Variants in DLGAP4 observed in about 807,000 individuals in gnomAD.
DLGAP4 encodes the protein disks large-associated protein 4.
DLGAP4 carries 18 observed loss-of-function variants against 86.9 expected under a neutral mutation model. The ratio of observed to expected loss-of-function variants is 0.21; its 90% CI spans 0.14 to 0.31. The LOEUF is 0.31. Ranked by LOEUF, DLGAP4 falls within the 10% of genes least tolerant of loss-of-function variation. The pLI is 1.00. For synonymous variants in DLGAP4, 548 were observed against 574.3 expected, an observed-to-expected ratio of 0.95 and a Z score of 0.65; for missense variants, 1,085 against 1,362.6, an observed-to-expected ratio of 0.80 and a Z score of 3.21.
At chr20:36,484,380 G>A (rs2035319433) in intron 7 of DLGAP4, among the ~76,000 whole-genome samples, 1 of 152,188 alleles carries the variant, frequency 6.6e-6, no homozygotes, top group Non-Finnish European at 1.5e-5. Flanking sequence ...ACCCCAACAT[G>A]TCAGGAAAAA....
At chr20:36,313,148 C>A (rs1414994556) in intron 1 of DLGAP4, among the ~76,000 whole-genome samples, 1 of 152,158 alleles carries the variant, frequency 6.6e-6, no homozygotes, top group Non-Finnish European at 1.5e-5. Context: ...CAGCTCCTGT[C>A]ATGGGGAGGG....
Position 36,496,720 on chromosome 20 carries a change from T to A in DLGAP4, c.1664T>A (p.Val555Glu), listed in dbSNP as rs1245140335. 6.2e-7 allele frequency: 1 copy of A among 1,605,896 alleles called. No homozygotes were observed. Among genetic ancestry groups the A allele is most frequent in the Non-Finnish European group, 8.5e-7 (1 of 1,173,204 alleles). Residue 555 changes from valine (V) to glutamate (E), a missense_variant, in exon 8 of 13, where the codon GTG becomes GAG. Physicochemically the swap from Val to Glu is moderately radical, Grantham distance 121. Coordinates refer to ENST00000339266, the MANE Select transcript of DLGAP4 (RefSeq NM_001365621.2). Reference sequence around the variant, plus strand: ...CCATCTGCAGGTTCATCATGCCTAGTGGCGTATAAGAAGACCCCGCCACCG... The same window carrying A: ...CCATCTGCAGGTTCATCATGCCTAGAGGCGTATAAGAAGACCCCGCCACCG... ...SRTLPSSSCL[V>E]AYKKTPPPVP...
intron 2 of DLGAP4, among the ~76,000 whole-genome samples, chr20:36,384,560 T>G (rs2031527462): frequency 6.6e-6 from 1 of 152,226 alleles, no homozygotes; most frequent in Non-Finnish European, 1.5e-5. Context: ...GGACTGTATT[T>G]CTAGCCTCAA....
chr20:36,386,133 A>G (rs2031587366), intron 2 of DLGAP4, among the ~76,000 whole-genome samples: 1 of 152,006 alleles, frequency 6.6e-6, no homozygotes, highest in Non-Finnish European at 1.5e-5. Flanking sequence ...CCTCGTCCAC[A>G]CTCTCCCCTG....
intron 4 of DLGAP4, among the ~76,000 whole-genome samples, chr20:36,437,114 T>G (rs2033309350): frequency 6.6e-6 from 1 of 152,156 alleles, no homozygotes; most frequent in South Asian, 2.1e-4. Context: ...CTCACTACTA[T>G]AATGATCCAG....
intron 1 of DLGAP4, among the ~76,000 whole-genome samples, chr20:36,359,581 C>T (rs1431468365): frequency 6.6e-6 from 1 of 152,126 alleles, no homozygotes; most frequent in African/African-American, 2.4e-5. Flanking sequence ...TAGCCTGAGG[C>T]AAAGGAACTT....
chr20:36,408,552 G>A (rs752457864), intron 2 of DLGAP4, among the ~76,000 whole-genome samples: 2 of 152,184 alleles, frequency 1.3e-5, no homozygotes, highest in Admixed American at 6.5e-5. Context: ...GTTTCATCCT[G>A]CCATTGCCTT....
intron 10 of DLGAP4, among the ~76,000 whole-genome samples, chr20:36,519,131 T>C (rs1243432850): frequency 5.3e-5 from 8 of 150,040 alleles, no homozygotes; most frequent in Admixed American, 5.3e-4. Flanking sequence ...AAAAAAAAAT[T>C]AGCTGGGCGT....
intron 7 of DLGAP4, chr20:36,461,820 C>T (rs1477866953): frequency 5.1e-6 from 5 of 982,884 alleles, no homozygotes; most frequent in African/African-American, 3.6e-5. Flanking sequence ...GTCCCCGCTC[C>T]GCCCGCTTTG....
At chr20:36,459,490 T>C (rs1038396680) in intron 7 of DLGAP4, among the ~76,000 whole-genome samples, 4 of 152,170 alleles carry the variant, frequency 2.6e-5, no homozygotes, top group Admixed American at 2.6e-4. Context: ...AATCCTCCCA[T>C]CTCAGCTTCC....
At chr20:36,506,468 T>C (rs1392854022) in intron 10 of DLGAP4, among the ~76,000 whole-genome samples, 1 of 152,140 alleles carries the variant, frequency 6.6e-6, no homozygotes, top group Non-Finnish European at 1.5e-5. Context: ...CCTGTATCAG[T>C]TACTGTAACT....
intron 1 of DLGAP4, among the ~76,000 whole-genome samples, chr20:36,364,933 A>G (rs2030632521): frequency 6.6e-6 from 1 of 152,120 alleles, no homozygotes; most frequent in South Asian, 2.1e-4. Context: ...CATCTCTGCA[A>G]AAAATACAAA....
At chr20:36,322,573 A>G (rs2065179483) in intron 1 of DLGAP4, among the ~76,000 whole-genome samples, 1 of 152,202 alleles carries the variant, frequency 6.6e-6, no homozygotes, top group African/African-American at 2.4e-5. Context: ...TAAAGTGCGT[A>G]GGACAGCACG....
At chr20:36,311,258 G>A (rs1365603033) in intron 1 of DLGAP4, among the ~76,000 whole-genome samples, 1 of 152,066 alleles carries the variant, frequency 6.6e-6, no homozygotes, top group Non-Finnish European at 1.5e-5. Flanking sequence ...CTCAGCCGAG[G>A]CGCCCCTCTC....
chr20:36,525,365 G>A (rs6025328), intron 11 of DLGAP4: 6,220 of 184,980 alleles, frequency 0.034, 415 homozygotes, highest in African/African-American at 0.14. Context: ...TGTTCTGCCT[G>A]TGGGAATGTG....
intron 1 of DLGAP4, among the ~76,000 whole-genome samples, chr20:36,344,895 G>T (rs2029891459): frequency 6.6e-6 from 1 of 152,174 alleles, no homozygotes; most frequent in African/African-American, 2.4e-5. Flanking sequence ...GGACCCAGAG[G>T]CTCTTTGGGA....
intron 10 of DLGAP4, chr20:36,510,959 T>C (rs1226662100): frequency 2.6e-5 from 4 of 152,236 alleles, no homozygotes; most frequent in African/African-American, 9.6e-5. Context: ...ACTATTCTTG[T>C]ATCTTCATTC....
intron 7 of DLGAP4, among the ~76,000 whole-genome samples, chr20:36,477,608 C>T (rs2035005255): frequency 6.6e-6 from 1 of 152,120 alleles, no homozygotes; most frequent in Admixed American, 6.5e-5. Context: ...AGGACCCAAG[C>T]ATAATTCCTT....
intron 1 of DLGAP4, among the ~76,000 whole-genome samples, chr20:36,349,227 G>A (rs780415595): frequency 1.3e-5 from 2 of 149,586 alleles, no homozygotes; most frequent in Non-Finnish European, 3.0e-5. Context: ...GATCATCCTG[G>A]CTAACACGGT....
Sources: gnomAD v4.1 joint callset for allele counts (sites outside exome capture counted in the v4.1 genomes callset) on GRCh38, gnomAD v4.1.1 for gene constraint, MANE v1.5 for transcripts, NCBI Gene and HGNC (gene_info 2026-07-23, HGNC 2026-07-21) for gene names.